EPHX3: variants seen among roughly 807,000 people sequenced by gnomAD.
The protein encoded by EPHX3 is epoxide hydrolase 3, also known as abhydrolase domain containing 9.
A neutral mutation model predicts 40.2 loss-of-function variants in EPHX3; 39 were observed. That is an observed-to-expected ratio of 0.97 (90% confidence interval 0.75 to 1.27). The LOEUF (loss-of-function observed/expected upper bound fraction) is 1.27, where lower values mean the gene tolerates loss of function less well. EPHX3 is among the 50% of genes most tolerant of loss of function. The pLI is 0.00. For missense variants in EPHX3, 442 were observed against 474.0 expected, an observed-to-expected ratio of 0.93 and a Z score of 0.63; for synonymous variants, 213 against 209.7, an observed-to-expected ratio of 1.02 and a Z score of -0.14.
Position 15,231,073 on chromosome 19 carries a change from G to A in EPHX3, c.505C>T (p.Leu169Phe), listed in dbSNP as rs1326353175. ...AGGGCACCCCAGTCATGGGCCACAAGGATGCACTTCGAGTAACCTGTGGGA... is the reference window on the plus strand; with the variant it reads ...AGGGCACCCCAGTCATGGGCCACAAAGATGCACTTCGAGTAACCTGTGGGA... ...ILGLGYSKCILVAHDWGALLA... is the reference protein window; with the variant it reads ...ILGLGYSKCIFVAHDWGALLA... The change falls in exon 4 of 7, where the codon CTT becomes TTT. Residue 169 changes from leucine to phenylalanine, a missense_variant. By Grantham distance (22) the Leu-to-Phe change is conservative. Coordinates refer to ENST00000221730, the MANE Select transcript of EPHX3 (RefSeq NM_024794.3). 1.5e-5 allele frequency: 24 copies of A among 1,613,950 alleles called. No individual in the cohort carries two copies. The highest frequency in any genetic ancestry group is 8.9e-5 in the East Asian group (4 of 44,894).
rs369680499 is a variant in EPHX3 at position 15,227,672 on chromosome 19, G to T, written c.858-10C>A. 1.5e-4 allele frequency: 242 copies of T among 1,613,148 alleles called. No individual in the cohort carries two copies. The highest frequency in any genetic ancestry group is 1.9e-4 in the Non-Finnish European group (224 of 1,179,414). ...TTCCAGGGGGAAGTTCCTGTGGCCA[G>T]GACAGACAGACAGGCAGACAGACAG... On this transcript the variant is annotated splice_polypyrimidine_tract_variant and intron_variant, in intron 6 of 6. Coordinates refer to ENST00000221730, the MANE Select transcript of EPHX3 (RefSeq NM_024794.3).
rs541934367 is a variant in EPHX3, at chr19:15,230,444, T to G, written c.616+518A>C. ...CTTTGGCCTCCCAAAGTGCAGGGAT[T>G]ACAGGCAGGAGCCACCACGCCTGGC... On this transcript the variant is annotated intron_variant, in intron 4 of 6. Transcript: ENST00000221730. Among the ~76,000 whole-genome samples, 53 of 152,306 alleles carry G rather than the reference T, an allele frequency of 3.5e-4. No individual in the cohort carries two copies. In the South Asian group the frequency reaches 8.3e-3, roughly 24 times the overall value.
Position 15,232,176 on chromosome 19 carries a change from C to T in EPHX3, c.36G>A (p.Pro12=). ...PELVVTALLA[P]SRLSLKLLRA... ...GCAGCAGCTTCAGCGACAGGCGCGA[C>T]GGCGCCAGCAGCGCGGTCACCACCA... The change falls in exon 1 of 7, where the codon CCG becomes CCA. Residue 12 remains proline, a synonymous_variant. Coordinates refer to ENST00000221730, the MANE Select transcript of EPHX3 (RefSeq NM_024794.3). The T allele has an allele frequency of 1.3e-6, 2 of 1,523,232 alleles. No individual in the cohort carries two copies. The highest frequency in any genetic ancestry group is 1.2e-5 in the South Asian group (1 of 82,932). 94.4% of individuals were successfully genotyped at this position (1,523,232 alleles called of 1,614,324 possible).
In EPHX3 at chr19:15,231,837, CAT is replaced by C. The variant is rs768520600; in HGVS notation, c.266_267del (p.Tyr89CysfsTer7). 7 of 1,613,856 alleles carry C rather than the reference CAT, an allele frequency of 4.3e-6. No homozygotes were observed. The highest frequency in any genetic ancestry group is 2.2e-5 in the South Asian group (2 of 91,088). On this transcript the variant is annotated frameshift_variant, in exon 2 of 7. Transcript: ENST00000221730. LOFTEE classifies it high-confidence loss of function. ...NLKSSGLRLH[Y>X]VSAGRGNGPL... ...GGTCCGTTACCTCGTCCAGCCGAGA[CAT>C]AGTGCAGACGCAGGCCCGAGCTCTA...
chr19:15,231,442 T>G, intron 2 of EPHX3, 46 bp from the exon 3 acceptor site: 1 of 1,597,124 alleles, frequency 6.3e-7, no homozygotes, highest in Non-Finnish European at 8.5e-7. Flanking sequence ...GCCCTCAGGT[T>G]GCACCTGCAC....
chr19:15,232,213 T>C lies in EPHX3; in HGVS notation c.-2A>G. On this transcript the variant is annotated 5_prime_UTR_variant, in exon 1 of 7. Coordinates refer to ENST00000221730, the MANE Select transcript of EPHX3 (RefSeq NM_024794.3). ...CGCGGTCACCACCAGCTCCGGCATG[T>C]CGCCGCGCTCCGGGACCACGGCGGC... 1 of 1,500,334 alleles carries C rather than the reference T, an allele frequency of 6.7e-7. No homozygotes were observed. The highest frequency in any genetic ancestry group is 1.5e-5 in the African/African-American group (1 of 68,298). The allele number at this position is 1,500,334 out of a possible 1,614,324, so 92.9% of individuals were successfully genotyped here. A position where few individuals can be genotyped will look rare whatever the true frequency, so the allele number is the denominator to read the frequency against.
chr19:15,231,083 C>T lies in EPHX3; in HGVS notation c.495G>A (p.Ser165=), dbSNP rs777666287. 24 of 1,613,814 alleles carry T rather than the reference C, an allele frequency of 1.5e-5. No homozygotes were observed. The highest frequency in any genetic ancestry group is 1.1e-4 in the African/African-American group (8 of 74,872). Residue 165 remains serine, a synonymous_variant, in exon 4 of 7, where the codon TCG becomes TCA. Coordinates refer to ENST00000221730, the MANE Select transcript of EPHX3 (RefSeq NM_024794.3). ...AGTCATGGGCCACAAGGATGCACTT[C>T]GAGTAACCTGTGGGAATTCAAGGAG... The part of the protein sequence containing the change: ...IKDVILGLGY[S]KCILVAHDWG...
At chr19:15,232,456 G>C, upstream of EPHX3, 1 of 1,330,310 alleles carries the variant, frequency 7.5e-7, no homozygotes, top group Non-Finnish European at 9.6e-7. Context: ...GGTAGGGTGC[G>C]GAGGCTGGGG....
chr19:15,228,177 C>A lies in EPHX3; in HGVS notation c.617-77G>T, dbSNP rs532469377. Reference sequence around the variant, plus strand: ...CCATACACCTGCACCCCTACACATACCCAGGTCAGGGACACAAGCCTCAGG... The same window carrying A: ...CCATACACCTGCACCCCTACACATAACCAGGTCAGGGACACAAGCCTCAGG... On this transcript the variant is annotated intron_variant, in intron 4 of 6. Coordinates refer to ENST00000221730, the MANE Select transcript of EPHX3 (RefSeq NM_024794.3). 7.9e-5 allele frequency: 93 copies of A among 1,170,398 alleles called. No homozygotes were observed. In the African/African-American group the frequency reaches 1.4e-3, roughly 17 times the overall value. 72.5% of individuals were successfully genotyped at this position (1,170,398 alleles called of 1,614,324 possible).
chr19:15,231,546 G>A (rs564715172), intron 2 of EPHX3, 150 bp from the exon 3 acceptor site: 2 of 1,158,484 alleles, frequency 1.7e-6, no homozygotes, highest in Non-Finnish European at 2.4e-6. Context: ...GGCAGAGGCT[G>A]AGGCTGAAGC....
intron 5 of EPHX3, 29 bp from the exon 6 acceptor site, chr19:15,227,936 G>A (rs1380974798): frequency 3.1e-6 from 5 of 1,614,056 alleles, no homozygotes; most frequent in Non-Finnish European, 4.2e-6. Flanking sequence ...TCTGGCTTCA[G>A]TGCCCAGCCT....
At chr19:15,236,663 T>C (rs2047194219), upstream of EPHX3, 1 of 163,174 alleles carries the variant, frequency 6.1e-6, no homozygotes, top group Non-Finnish European at 1.3e-5. Context: ...CTTGGGGTGG[T>C]TGCTATGAGT....
At chr19:15,228,716 T>C (rs963455162) in intron 4 of EPHX3, among the ~76,000 whole-genome samples, 1 of 151,698 alleles carries the variant, frequency 6.6e-6, no homozygotes, top group African/African-American at 2.4e-5. Flanking sequence ...AGACAGGGTT[T>C]CACAGTGTTA....
At chr19:15,229,609 A>T (rs969104461) in intron 4 of EPHX3, among the ~76,000 whole-genome samples, 29 of 149,664 alleles carry the variant, frequency 1.9e-4, no homozygotes, top group Non-Finnish European at 3.4e-4. Flanking sequence ...AAAAAAAAAA[A>T]AGGGGCCAGG....
In EPHX3 at chr19:15,232,116, C is replaced by T; in HGVS notation, c.96G>A (p.Ala32=). ...AGCCGTAGACCGCCGCGGCCACCAG[C>T]GCCACCGAGAACACCAGGCTCCACA... is the stretch of plus-strand genomic sequence containing the variant. The part of the protein sequence containing the change: ...AFMWSLVFSV[A]LVAAAVYGCI... Residue 32 remains alanine (A), a synonymous_variant, in exon 1 of 7, where the codon GCG becomes GCA. Coordinates refer to ENST00000221730, the MANE Select transcript of EPHX3 (RefSeq NM_024794.3). The T allele has an allele frequency of 1.3e-6, 2 of 1,511,082 alleles. No individual in the cohort carries two copies. Among genetic ancestry groups the T allele is most frequent in the Non-Finnish European group, 8.8e-7 (1 of 1,136,436 alleles). 93.6% of individuals were successfully genotyped at this position (1,511,082 alleles called of 1,614,324 possible). A position where few individuals can be genotyped will look rare whatever the true frequency, so the allele number is the denominator to read the frequency against.
chr19:15,232,884 GAA>G (rs143772036), upstream of EPHX3: 2 of 126,070 alleles, frequency 1.6e-5, no homozygotes, highest in Non-Finnish European at 1.7e-5. Context: ...TCTCAAAAAA[GAA>G]AAAAAAAAAA....
rs778978079 is a variant in EPHX3 at position 15,227,605 on chromosome 19, C to T, written c.915G>A (p.Glu305=). 6.2e-7 allele frequency: 1 copy of T among 1,614,146 alleles called. No individual in the cohort carries two copies. The highest frequency in any genetic ancestry group is 2.2e-5 in the East Asian group (1 of 44,870). Residue 305 remains glutamate, a synonymous_variant, in exon 7 of 7, where the codon GAG becomes GAA. Coordinates refer to ENST00000221730, the MANE Select transcript of EPHX3 (RefSeq NM_024794.3). The part of the protein sequence containing the change: ...LTTPTLLLWG[E]KDTYLELGLV... ...GCCCCAGCTCCAAGTAAGTGTCCTT[C>T]TCCCCCCACAGCAGCAATGTGGGTG...
rs774386600 is a variant in EPHX3, at chr19:15,232,040, G to A, written c.172C>T (p.Arg58Cys). 1 of 1,580,898 alleles carries A rather than the reference G, an allele frequency of 6.3e-7. No individual in the cohort carries two copies. The highest frequency in any genetic ancestry group is 1.8e-5 in the Admixed American group (1 of 56,310). The change falls in exon 1 of 7, where the codon CGC becomes TGC. Residue 58 changes from arginine (R) to cysteine (C), a missense_variant. Coordinates refer to ENST00000221730, the MANE Select transcript of EPHX3 (RefSeq NM_024794.3). ...LCRPRRGCCGRRRSASPACLS... is the reference protein window; with the variant it reads ...LCRPRRGCCGCRRSASPACLS... ...CAGGCGGGGGACGCGCTCCGACGGC[G>A]CCCGCAGCAGCCGCGCCGGGGCCGG...
At chr19:15,229,885 C>CAAAAAAAAAAAAA (rs546876108) in intron 4 of EPHX3, among the ~76,000 whole-genome samples, 101 of 9,366 alleles carry the variant, frequency 0.011, 24 homozygotes, top group Admixed American at 0.018. Flanking sequence ...GACTCTGTCT[C>CAAAAAAAAAAAAA]AAAAAAAAAA....
Sources: gnomAD v4.1 joint callset for allele counts (sites outside exome capture counted in the v4.1 genomes callset) on GRCh38, gnomAD v4.1.1 for gene constraint, MANE v1.5 for transcripts, NCBI Gene and HGNC (gene_info 2026-07-23, HGNC 2026-07-21) for gene names.